The following DCC variants were observed in gnomAD, a reference collection of about 807,000 sequenced individuals.
The protein encoded by DCC is DCC netrin 1 receptor.
Under a neutral mutation model 172.5 loss-of-function variants are expected in DCC, and 58 were observed. The ratio of observed to expected loss-of-function variants is 0.34; its 90% CI spans 0.27 to 0.42. DCC has a LOEUF of 0.42. DCC is among the 10% of genes least tolerant of loss of function. The pLI is 1.00. For missense variants in DCC, 1,740 were observed against 1,791.0 expected (o/e 0.97, Z 0.51); for synonymous variants, 709 against 644.5 (o/e 1.10, Z -1.52).
chr18:53,245,995 T>C (rs943673041), intron 12 of DCC, among the ~76,000 whole-genome samples: 24 of 152,180 alleles, frequency 1.6e-4, no homozygotes, highest in African/African-American at 5.5e-4. Context: ...TCAGCTGTCA[T>C]GCTTTCTCAG....
chr18:52,548,764 G>A (rs2032684539), intron 1 of DCC, among the ~76,000 whole-genome samples: 2 of 151,968 alleles, frequency 1.3e-5, no homozygotes, highest in Admixed American at 6.6e-5. Flanking sequence ...GAATATTTGG[G>A]GTCTCAAATT....
intron 1 of DCC, among the ~76,000 whole-genome samples, chr18:52,422,351 T>C (rs185368467): frequency 8.3e-4 from 127 of 152,270 alleles, no homozygotes; most frequent in Non-Finnish European, 1.5e-3. Flanking sequence ...GTGATAATAT[T>C]TGCATGTCAG....
At chr18:53,343,047 T>A (rs1340773897) in intron 15 of DCC, among the ~76,000 whole-genome samples, 1 of 151,556 alleles carries the variant, frequency 6.6e-6, no homozygotes, top group Non-Finnish European at 1.5e-5. Flanking sequence ...TCTGCTAAAT[T>A]TACCTATATA....
chr18:53,488,417 G>T (rs1470055300), intron 26 of DCC, among the ~76,000 whole-genome samples: 4 of 151,844 alleles, frequency 2.6e-5, no homozygotes, highest in African/African-American at 9.7e-5. Context: ...ACCTTTATCG[G>T]GTTTCTCCAT....
chr18:52,817,102 ATTG>A (rs1427311356), intron 2 of DCC, among the ~76,000 whole-genome samples: 1 of 152,180 alleles, frequency 6.6e-6, no homozygotes, highest in African/African-American at 2.4e-5. Flanking sequence ...CAAATTATTT[ATTG>A]TTGACAATTA....
intron 2 of DCC, among the ~76,000 whole-genome samples, chr18:52,783,836 T>G (rs1022047006): frequency 6.6e-6 from 1 of 151,992 alleles, no homozygotes; most frequent in Admixed American, 6.6e-5. Flanking sequence ...TTGTGCATAT[T>G]TATGGGGTAC....
intron 9 of DCC, among the ~76,000 whole-genome samples, chr18:53,202,750 G>T (rs1460303334): frequency 6.6e-6 from 1 of 152,164 alleles, no homozygotes; most frequent in Non-Finnish European, 1.5e-5. Flanking sequence ...GAGAGAGCTT[G>T]TGCCTCTGGA....
chr18:53,141,017 G>A (rs908267703), intron 7 of DCC, among the ~76,000 whole-genome samples: 4 of 152,106 alleles, frequency 2.6e-5, no homozygotes. Context: ...GATAAGTGAT[G>A]AGAATTTCAG....
intron 1 of DCC, among the ~76,000 whole-genome samples, chr18:52,547,758 G>A (rs183464581): frequency 6.6e-6 from 1 of 152,234 alleles, no homozygotes; most frequent in East Asian, 1.9e-4. Context: ...AGGAACAAAG[G>A]CAGGGATGTT....
intron 2 of DCC, among the ~76,000 whole-genome samples, chr18:52,887,306 G>T (rs912640965): frequency 9.5e-5 from 14 of 146,846 alleles, no homozygotes; most frequent in African/African-American, 2.0e-4. Flanking sequence ...ATCATCAATG[G>T]TTTTTTTTTT....
At chr18:53,491,933 G>A (rs1224982133) in intron 26 of DCC, among the ~76,000 whole-genome samples, 26 of 152,214 alleles carry the variant, frequency 1.7e-4, no homozygotes, top group Admixed American at 1.7e-3. Context: ...AACCAACAGT[G>A]TAAAAGCCTT....
At chr18:52,984,298 T>A (rs1242818705) in intron 5 of DCC, among the ~76,000 whole-genome samples, 1 of 152,102 alleles carries the variant, frequency 6.6e-6, no homozygotes, top group African/African-American at 2.4e-5. Context: ...CATCCTTTGA[T>A]TAGTGTGGAA....
intron 22 of DCC, among the ~76,000 whole-genome samples, chr18:53,444,180 T>C (rs893713437): frequency 6.6e-6 from 1 of 152,226 alleles, no homozygotes; most frequent in East Asian, 1.9e-4. Context: ...CATCCCATGC[T>C]ACAGAGAAAT....
At chr18:52,382,566 G>C (rs2144327506) in intron 1 of DCC, among the ~76,000 whole-genome samples, 1 of 152,250 alleles carries the variant, frequency 6.6e-6, no homozygotes, top group East Asian at 1.9e-4. Context: ...ATTTGGGCTA[G>C]AAAGTTTTGG....
intron 1 of DCC, among the ~76,000 whole-genome samples, chr18:52,670,212 G>T (rs889064811): frequency 6.6e-5 from 10 of 152,186 alleles, no homozygotes; most frequent in African/African-American, 2.4e-4. Flanking sequence ...TCATATAAAA[G>T]ATTGCACTCA....
chr18:52,598,189 C>A (rs1427383592), intron 1 of DCC, among the ~76,000 whole-genome samples: 1 of 152,058 alleles, frequency 6.6e-6, no homozygotes, highest in Non-Finnish European at 1.5e-5. Context: ...AAATTGATAA[C>A]GTTTAGTTTT....
At chr18:52,713,619 C>T (rs1347986809) in intron 1 of DCC, among the ~76,000 whole-genome samples, 2 of 152,068 alleles carry the variant, frequency 1.3e-5, no homozygotes, top group African/African-American at 4.8e-5. Flanking sequence ...TAATTGCATC[C>T]GTGATTGAGA....
At chr18:52,578,705 C>T (rs1379142350) in intron 1 of DCC, among the ~76,000 whole-genome samples, 1 of 151,992 alleles carries the variant, frequency 6.6e-6, no homozygotes, top group African/African-American at 2.4e-5. Flanking sequence ...AAGTGTATTC[C>T]AAAACAAAAT....
At chr18:52,858,084 A>G (rs2039081286) in intron 2 of DCC, among the ~76,000 whole-genome samples, 1 of 152,204 alleles carries the variant, frequency 6.6e-6, no homozygotes, top group Admixed American at 6.5e-5. Context: ...GTTGTTTTCC[A>G]TGAAGTTTAG....
Sources: allele counts gnomAD v4.1 joint callset (sites outside exome capture counted in the v4.1 genomes callset), GRCh38; gene constraint gnomAD v4.1.1; transcripts MANE v1.5; gene names NCBI Gene and HGNC (gene_info 2026-07-23, HGNC 2026-07-21).